SOX5: variants seen among roughly 807,000 people sequenced by gnomAD.
SOX5 encodes the protein transcription factor SOX-5.
SOX5 carries 9 observed loss-of-function variants against 92.0 expected under a neutral mutation model. The observed-to-expected ratio is 0.10, with a 90% CI of 0.06 to 0.17. The LOEUF is 0.17. Ranked by LOEUF, SOX5 falls within the 10% of genes least tolerant of loss-of-function variation. SOX5 has a pLI of 1.00. For missense variants in SOX5, 642 were observed against 944.5 expected, an observed-to-expected ratio of 0.68 and a Z score of 4.20; for synonymous variants, 344 against 336.3, an observed-to-expected ratio of 1.02 and a Z score of -0.25.
chr12:23,546,687 G>C (rs1233089291), intron 11 of SOX5, among the ~76,000 whole-genome samples: 1 of 152,080 alleles, frequency 6.6e-6, no homozygotes, highest in Non-Finnish European at 1.5e-5. Context: ...CGGGATCCTT[G>C]GAGACAACCT....
Position 24,399,034 on chromosome 12 carries a change from A to C in SOX5, c.-250-30395T>G, listed in dbSNP as rs547071713. Among the ~76,000 whole-genome samples the C allele has an allele frequency of 2.0e-5, 3 of 152,256 alleles. No individual in the cohort carries two copies. The East Asian group carries it at 5.8e-4, about 29-fold the overall frequency. ...CTTAATTTTAGACCACAGCAGCCCCAGTTTGATTCTCCCTTTTTTGGACCC... is the reference window on the plus strand; with the variant it reads ...CTTAATTTTAGACCACAGCAGCCCCCGTTTGATTCTCCCTTTTTTGGACCC... On this transcript the variant is annotated intron_variant, in intron 1 of 4. Coordinates refer to the SOX5 transcript ENST00000446891.
At chr12:24,210,382 T>C (rs1958475162) in intron 4 of SOX5, among the ~76,000 whole-genome samples, 1 of 152,230 alleles carries the variant, frequency 6.6e-6, no homozygotes, top group East Asian at 1.9e-4. Context: ...AATTCATGCC[T>C]GCTAATTCAT....
At chr12:24,528,230 A>G (rs1214544890) in intron 1 of SOX5, among the ~76,000 whole-genome samples, 1 of 152,196 alleles carries the variant, frequency 6.6e-6, no homozygotes, top group Non-Finnish European at 1.5e-5. Context: ...GATCTCATTT[A>G]TACAAAGTGG....
At chr12:23,843,490 G>T (rs1374155174) in intron 3 of SOX5, among the ~76,000 whole-genome samples, 1 of 146,858 alleles carries the variant, frequency 6.8e-6, no homozygotes, top group East Asian at 2.1e-4. Context: ...AAAAAATAAA[G>T]TGAATGTATA....
At chr12:24,374,936 G>T (rs761702908) in intron 1 of SOX5, among the ~76,000 whole-genome samples, 1 of 152,148 alleles carries the variant, frequency 6.6e-6, no homozygotes, top group Non-Finnish European at 1.5e-5. Context: ...GGCCCTGTGG[G>T]TGCAGGGTTG....
chr12:23,920,755 T>G (rs945614850), intron 1 of SOX5: 3 of 152,168 alleles, frequency 2.0e-5, no homozygotes, highest in African/African-American at 7.2e-5. Context: ...TCCTGAATTT[T>G]CCATAGTTAC....
intron 4 of SOX5, among the ~76,000 whole-genome samples, chr12:24,128,457 A>G (rs1297014845): frequency 6.6e-6 from 1 of 152,216 alleles, no homozygotes; most frequent in Non-Finnish European, 1.5e-5. Flanking sequence ...AAACATGGTG[A>G]AATGCTAGCA....
At chr12:23,658,309 A>C (rs2082576113) in intron 7 of SOX5, among the ~76,000 whole-genome samples, 1 of 152,188 alleles carries the variant, frequency 6.6e-6, no homozygotes, top group Non-Finnish European at 1.5e-5. Context: ...TTTTCTCATG[A>C]GAAGTGGAAG....
In SOX5 at chr12:23,752,610, G is replaced by A. The variant is rs561363383; in HGVS notation, c.568+3028C>T. Among the ~76,000 whole-genome samples, 61 of 151,878 alleles carry A rather than the reference G, an allele frequency of 4.0e-4. No individual in the cohort carries two copies. The South Asian group carries it at 0.013, about 31-fold the overall frequency. On this transcript the variant is annotated intron_variant, in intron 4 of 14. Coordinates refer to ENST00000451604, the MANE Select transcript of SOX5 (RefSeq NM_006940.6). The stretch of plus-strand genomic sequence containing the variant: ...CTGAAATTGTGTGTGACTATTGGTT[G>A]CCAGCCGGAGTAAAGGCATTGTTTC...
intron 6 of SOX5, among the ~76,000 whole-genome samples, chr12:23,696,517 T>G (rs933720261): frequency 2.0e-5 from 3 of 152,184 alleles, no homozygotes; most frequent in Non-Finnish European, 4.4e-5. Context: ...ATTTCCTGAA[T>G]TGTCTAGCTA....
At chr12:24,318,084 C>A (rs767557018) in intron 2 of SOX5, among the ~76,000 whole-genome samples, 3 of 152,202 alleles carry the variant, frequency 2.0e-5, no homozygotes, top group East Asian at 3.9e-4. Flanking sequence ...GGGCACCCAG[C>A]TGTAATCCCA....
At chr12:24,083,288 G>C (rs569982758) in intron 4 of SOX5, among the ~76,000 whole-genome samples, 1 of 152,050 alleles carries the variant, frequency 6.6e-6, no homozygotes, top group South Asian at 2.1e-4. Context: ...TATTTCATCA[G>C]TTATTATGCC....
intron 3 of SOX5, among the ~76,000 whole-genome samples, chr12:23,814,693 T>A (rs1441363736): frequency 1.3e-5 from 2 of 152,232 alleles, no homozygotes; most frequent in Non-Finnish European, 2.9e-5. Context: ...GAAAGATTAT[T>A]GTGTTAGCCA....
chr12:23,602,302 T>C (rs184428440), intron 9 of SOX5, among the ~76,000 whole-genome samples: 1 of 152,292 alleles, frequency 6.6e-6, no homozygotes, highest in East Asian at 1.9e-4. Flanking sequence ...TAGAACTATA[T>C]AGTTCATAAA....
intron 8 of SOX5, among the ~76,000 whole-genome samples, chr12:23,607,713 G>T (rs1439164747): frequency 6.6e-6 from 1 of 152,084 alleles, no homozygotes; most frequent in Non-Finnish European, 1.5e-5. Flanking sequence ...TGGGAAAGGG[G>T]CATGAAATCT....
chr12:23,586,553 T>C (rs866128487), intron 9 of SOX5, among the ~76,000 whole-genome samples: 1 of 152,162 alleles, frequency 6.6e-6, no homozygotes, highest in African/African-American at 2.4e-5. Context: ...AAGTGATTGA[T>C]TCTTGGATTT....
chr12:23,595,436 C>T (rs924366298), intron 9 of SOX5, among the ~76,000 whole-genome samples: 1 of 151,920 alleles, frequency 6.6e-6, no homozygotes, highest in Non-Finnish European at 1.5e-5. Flanking sequence ...TCCTGGCTAA[C>T]ACGGTGAAAC....
intron 4 of SOX5, among the ~76,000 whole-genome samples, chr12:24,017,091 C>T (rs1238743849): frequency 1.3e-5 from 2 of 152,178 alleles, no homozygotes; most frequent in Non-Finnish European, 2.9e-5. Flanking sequence ...CAGTGTCGAG[C>T]CACTGGTGGC....
At chr12:23,621,511 G>C (rs1016343967) in intron 8 of SOX5, among the ~76,000 whole-genome samples, 1 of 152,000 alleles carries the variant, frequency 6.6e-6, no homozygotes, top group African/African-American at 2.4e-5. Context: ...AAAAATCACT[G>C]TTTTCCAAGA....
Sources: gnomAD v4.1 joint callset for allele counts (sites outside exome capture counted in the v4.1 genomes callset) on GRCh38, gnomAD v4.1.1 for gene constraint, MANE v1.5 for transcripts, NCBI Gene and HGNC (gene_info 2026-07-23, HGNC 2026-07-21) for gene names.